The following KCNMA1 variants were observed in gnomAD, a reference collection of about 807,000 sequenced individuals.
KCNMA1 encodes Calcium-activated potassium channel subunit alpha-1.
In KCNMA1, 29 loss-of-function variants were observed where a neutral mutation model predicts 140.0. The ratio of observed to expected loss-of-function variants is 0.21; its 90% CI spans 0.15 to 0.28. The LOEUF (loss-of-function observed/expected upper bound fraction) is 0.28, where lower values mean the gene tolerates loss of function less well. KCNMA1 is among the 10% of genes least tolerant of loss of function. The pLI is 1.00. For missense variants in KCNMA1, 880 were observed against 1,602.2 expected (o/e 0.55, Z 7.70); for synonymous variants, 612 against 611.9 (o/e 1.00, Z 0.00).
At chr10:76,952,291 T>G in intron 21 of KCNMA1, 1 of 963,944 alleles carries the variant, frequency 1.0e-6, no homozygotes, top group Non-Finnish European at 1.5e-6. Flanking sequence ...GAGGCCAAGG[T>G]TGGCGGATCA....
At chr10:76,974,649 T>C in intron 19 of KCNMA1, 2 of 1,002,550 alleles carry the variant, frequency 2.0e-6, no homozygotes, top group Non-Finnish European at 3.0e-6. Context: ...TCCAAACAAT[T>C]TTAACATTGA....
intron 2 of KCNMA1, among the ~76,000 whole-genome samples, chr10:77,289,122 C>G (rs2072198173): frequency 6.6e-6 from 1 of 152,180 alleles, no homozygotes; most frequent in East Asian, 1.9e-4. Context: ...CCTCCAGCTC[C>G]CCAGGAAGTC....
chr10:77,317,491 A>C (rs1400251), intron 2 of KCNMA1, among the ~76,000 whole-genome samples: 26,153 of 152,250 alleles, frequency 0.17, 2,408 homozygotes, highest in East Asian at 0.33. Flanking sequence ...TTGGAGGATT[A>C]GTTGGGGAGA....
chr10:77,480,289 T>C (rs1386567366), intron 1 of KCNMA1, among the ~76,000 whole-genome samples: 3 of 152,168 alleles, frequency 2.0e-5, no homozygotes, highest in African/African-American at 7.2e-5. Context: ...CCGCCTCCCA[T>C]CTGGCAGCAA....
chr10:77,034,991 C>T (rs891110772), intron 15 of KCNMA1, among the ~76,000 whole-genome samples: 2 of 152,088 alleles, frequency 1.3e-5, no homozygotes, highest in Non-Finnish European at 2.9e-5. Context: ...CCTCCTTGTC[C>T]AGCCCCTCCC....
intron 15 of KCNMA1, among the ~76,000 whole-genome samples, chr10:77,037,774 A>T (rs976226614): frequency 2.0e-5 from 3 of 152,172 alleles, no homozygotes; most frequent in Admixed American, 2.0e-4. Flanking sequence ...CAAGGCTTCA[A>T]TTGCCTTTTT....
chr10:77,175,097 C>T (rs928549605), intron 5 of KCNMA1, among the ~76,000 whole-genome samples: 4 of 152,032 alleles, frequency 2.6e-5, no homozygotes, highest in Non-Finnish European at 4.4e-5. Context: ...CTCCAACTCG[C>T]GGTTTCTGAT....
chr10:77,626,343 C>A (rs562616705), intron 1 of KCNMA1, among the ~76,000 whole-genome samples: 3 of 152,090 alleles, frequency 2.0e-5, no homozygotes, highest in African/African-American at 7.2e-5. Context: ...ACAGGAGAAA[C>A]GGCCATAATT....
intron 15 of KCNMA1, among the ~76,000 whole-genome samples, chr10:77,038,894 C>T (rs2094492786): frequency 6.6e-6 from 1 of 152,138 alleles, no homozygotes; most frequent in Non-Finnish European, 1.5e-5. Flanking sequence ...TGAGGTCATC[C>T]CCCATAGGTG....
chr10:77,439,969 A>C (rs1362805763), intron 1 of KCNMA1, among the ~76,000 whole-genome samples: 2 of 152,220 alleles, frequency 1.3e-5, no homozygotes, highest in Non-Finnish European at 2.9e-5. Flanking sequence ...TGTCCCACGC[A>C]CAGTAAAGAC....
Position 77,535,706 on chromosome 10 carries a change from A to C in KCNMA1, c.378+101559T>G, listed in dbSNP as rs775029574. Among the ~76,000 whole-genome samples, 2 of 152,258 alleles carry C rather than the reference A, an allele frequency of 1.3e-5. 1 individual carries two copies. The highest frequency in any genetic ancestry group is 4.8e-5 in the African/African-American group (2 of 41,482). ...ACATATACACAATGAAATGTTATTCAGCCATACAAAAGAATGGAATTCTGT... is the reference window on the plus strand; with the variant it reads ...ACATATACACAATGAAATGTTATTCCGCCATACAAAAGAATGGAATTCTGT... On this transcript the variant is annotated intron_variant, in intron 1 of 27. Transcript: ENST00000286628.
At chr10:77,206,227 C>T (rs1332947636) in intron 3 of KCNMA1, among the ~76,000 whole-genome samples, 1 of 152,060 alleles carries the variant, frequency 6.6e-6, no homozygotes, top group Non-Finnish European at 1.5e-5. Context: ...ACAGCATCAC[C>T]ATTTTTAAAA....
intron 1 of KCNMA1, chr10:77,586,411 T>C (rs969692097): frequency 5.3e-5 from 8 of 152,160 alleles, no homozygotes; most frequent in African/African-American, 1.9e-4. Context: ...ACTGTTCAGT[T>C]TCATAGGAGC....
At chr10:77,280,811 G>A (rs2068285345) in intron 2 of KCNMA1, among the ~76,000 whole-genome samples, 1 of 152,128 alleles carries the variant, frequency 6.6e-6, no homozygotes, top group Admixed American at 6.5e-5. Context: ...TTACAGGTGT[G>A]AGCCACCATG....
At chr10:76,989,056 G>T (rs2082055416) in intron 19 of KCNMA1, among the ~76,000 whole-genome samples, 1 of 152,168 alleles carries the variant, frequency 6.6e-6, no homozygotes, top group African/African-American at 2.4e-5. Flanking sequence ...CATTTGTAGA[G>T]ACACTGCATA....
At chr10:77,401,448 C>T (rs978619995) in intron 2 of KCNMA1, among the ~76,000 whole-genome samples, 13 of 152,204 alleles carry the variant, frequency 8.5e-5, no homozygotes, top group African/African-American at 2.7e-4. Context: ...AGCCACCACG[C>T]CTGGCCCCAA....
intron 1 of KCNMA1, among the ~76,000 whole-genome samples, chr10:77,600,184 G>A (rs1021823322): frequency 6.6e-6 from 1 of 152,184 alleles, no homozygotes; most frequent in Non-Finnish European, 1.5e-5. Flanking sequence ...TACCTAGGAG[G>A]CAGTGAGCTC....
intron 25 of KCNMA1, among the ~76,000 whole-genome samples, chr10:76,900,787 C>T (rs60586497): frequency 6.6e-6 from 1 of 151,606 alleles, no homozygotes; most frequent in Non-Finnish European, 1.5e-5. Flanking sequence ...TCGGCATTTG[C>T]CATAATGTAT....
intron 1 of KCNMA1, among the ~76,000 whole-genome samples, chr10:77,596,553 C>T (rs559637450): frequency 3.9e-5 from 6 of 152,252 alleles, no homozygotes; most frequent in African/African-American, 1.4e-4. Context: ...GGCAATCAAG[C>T]GCATACCCAC....
Sources: allele counts gnomAD v4.1 joint callset (sites outside exome capture counted in the v4.1 genomes callset), GRCh38; gene constraint gnomAD v4.1.1; transcripts MANE v1.5; gene names NCBI Gene and HGNC (gene_info 2026-07-23, HGNC 2026-07-21).